TAF15: variants seen among roughly 807,000 people sequenced by gnomAD.
The protein encoded by TAF15 is TATA-box binding protein associated factor 15.
Under a neutral mutation model 102.5 loss-of-function variants are expected in TAF15, and 37 were observed. The ratio of observed to expected loss-of-function variants is 0.36; its 90% CI spans 0.28 to 0.47. The LOEUF (loss-of-function observed/expected upper bound fraction) is 0.47. Among genes scored for constraint, TAF15 ranks in the 20% least tolerant of loss-of-function variants. The probability of loss-of-function intolerance (pLI) is 0.99; values close to 1 mark genes in which losing one functional copy is unlikely to be tolerated. For missense variants in TAF15, 652 were observed against 760.7 expected (o/e 0.86, Z 1.68); for synonymous variants, 273 against 259.2 (o/e 1.05, Z -0.51).
At position 35,838,569 on chromosome 17, in the gene TAF15, A is replaced by G. The variant is rs1224000878; in HGVS notation, c.913+16A>G. Reference sequence around the variant, plus strand: ...TGGTTTGATGGTATGCCTCATTCGTATAGTTTTCAGCATGAAGTTGGATAA... The same window carrying G: ...TGGTTTGATGGTATGCCTCATTCGTGTAGTTTTCAGCATGAAGTTGGATAA... On this transcript the variant is annotated intron_variant, in intron 11 of 15. Transcript: ENST00000605844. 1.9e-6 allele frequency: 3 copies of G among 1,613,674 alleles called. No homozygotes were observed. Among genetic ancestry groups the G allele is most frequent in the East Asian group, 4.5e-5 (2 of 44,836 alleles).
chr17:35,836,745 G>C (rs964814645), intron 10 of TAF15, among the ~76,000 whole-genome samples: 3 of 151,582 alleles, frequency 2.0e-5, no homozygotes, highest in African/African-American at 7.3e-5. Flanking sequence ...CTTGAAATCA[G>C]TTTACATCTG....
chr17:35,823,097 G>A (rs1237601516), intron 6 of TAF15, among the ~76,000 whole-genome samples: 3 of 152,048 alleles, frequency 2.0e-5, no homozygotes, highest in African/African-American at 4.8e-5. Context: ...TGACAATACT[G>A]CTGGTACCAG....
chr17:35,846,814 G>T lies in TAF15; in HGVS notation c.1740-92G>T, dbSNP rs1296456012. ...GTCATTCTTTAGAAATTGTCTAGCTGATGCCAATCACTAGTACCCTGAAGA... is the reference window on the plus strand; with the variant it reads ...GTCATTCTTTAGAAATTGTCTAGCTTATGCCAATCACTAGTACCCTGAAGA... On this transcript the variant is annotated intron_variant, in intron 15 of 15. Coordinates refer to ENST00000605844, the MANE Select transcript of TAF15 (RefSeq NM_139215.3). 9 of 1,331,372 alleles carry T rather than the reference G, an allele frequency of 6.8e-6. No individual in the cohort carries two copies. The African/African-American group carries it at 1.2e-4, about 17-fold the overall frequency. 82.5% of individuals were successfully genotyped at this position (1,331,372 alleles called of 1,614,324 possible).
intron 10 of TAF15, among the ~76,000 whole-genome samples, 155 bp from the exon 11 acceptor site, chr17:35,838,269 C>T (rs749776184): frequency 1.3e-5 from 2 of 152,136 alleles, no homozygotes; most frequent in African/African-American, 2.4e-5. Context: ...GAGAGTTATG[C>T]TTGTCTAAAC....
intron 1 of TAF15, among the ~76,000 whole-genome samples, chr17:35,812,231 C>T (rs2087132705): frequency 6.6e-6 from 1 of 152,096 alleles, no homozygotes; most frequent in Non-Finnish European, 1.5e-5. Flanking sequence ...CGTTTAGGCT[C>T]CAGGAAACTT....
intron 13 of TAF15, 57 bp from the exon 14 acceptor site, chr17:35,844,223 G>C: frequency 6.2e-7 from 1 of 1,610,012 alleles, no homozygotes; most frequent in Non-Finnish European, 8.5e-7. Flanking sequence ...GATACAGAAA[G>C]GGGTTCTGAG....
chr17:35,824,259 G>C, intron 7 of TAF15, 61 bp downstream of exon 7: 2 of 1,552,800 alleles, frequency 1.3e-6, no homozygotes, highest in Non-Finnish European at 1.8e-6. Flanking sequence ...TTTTTTTAAG[G>C]TGTTACTTGG....
intron 15 of TAF15, among the ~76,000 whole-genome samples, chr17:35,845,703 G>T (rs918986998): frequency 6.6e-6 from 1 of 152,060 alleles, no homozygotes; most frequent in African/African-American, 2.4e-5. Flanking sequence ...TAGAGACGGG[G>T]TTTCACCATG....
At chr17:35,831,612 C>T (rs2087407294) in intron 7 of TAF15, among the ~76,000 whole-genome samples, 1 of 152,030 alleles carries the variant, frequency 6.6e-6, no homozygotes, top group African/African-American at 2.4e-5. Flanking sequence ...CCATTGTGGC[C>T]AGGTTTGGTA....
At chr17:35,812,403 C>T (rs1043524271) in intron 1 of TAF15, among the ~76,000 whole-genome samples, 2 of 151,780 alleles carry the variant, frequency 1.3e-5, no homozygotes, top group African/African-American at 4.8e-5. Flanking sequence ...TCGAGACCAG[C>T]TTGACCAACC....
rs144140449 is a variant in TAF15 at position 35,834,079 on chromosome 17, T to TTATA, written c.640+151_640+154dup. ...TGTGTTGTGTGCTTTAAAAAAAATT[T>TTATA]TATATATATATATATACACATATAT... is the stretch of plus-strand genomic sequence containing the variant. On this transcript the variant is annotated intron_variant, in intron 8 of 15. Transcript: ENST00000605844. 4 of 563,620 alleles carry TTATA rather than the reference T, an allele frequency of 7.1e-6. No individual in the cohort carries two copies. In the Admixed American group the frequency reaches 9.1e-5, roughly 13 times the overall value. The allele number at this position is 563,620 out of a possible 1,614,324, so 34.9% of individuals were successfully genotyped here. A position where few individuals can be genotyped will look rare whatever the true frequency, so the allele number is the denominator to read the frequency against.
Position 35,845,000 on chromosome 17 carries a change from AG to A in TAF15, c.1703del (p.Gly568GlufsTer78). 6.2e-7 allele frequency: 1 copy of A among 1,612,936 alleles called. No individual in the cohort carries two copies. The highest frequency in any genetic ancestry group is 8.5e-7 in the Non-Finnish European group (1 of 1,179,292). ...YGGDRGGGYG[G>X]DRGGYGGKMG... The stretch of plus-strand genomic sequence containing the variant: ...GAGGAGACCGAGGTGGGGGCTACGG[AG>A]GAGACCGAGGTGGCTATGGAGGCAA... On this transcript the variant is annotated frameshift_variant, in exon 15 of 16. Coordinates refer to ENST00000605844, the MANE Select transcript of TAF15 (RefSeq NM_139215.3). LOFTEE classifies it high-confidence loss of function.
chr17:35,812,055 C>T (rs1475380658), intron 1 of TAF15, among the ~76,000 whole-genome samples: 1 of 151,876 alleles, frequency 6.6e-6, no homozygotes, highest in Non-Finnish European at 1.5e-5. Context: ...TGTGTAGGGA[C>T]CAGAGATAAA....
At position 35,820,395 on chromosome 17, in the gene TAF15, A is replaced by T. The variant is rs775104921; in HGVS notation, c.248A>T (p.Tyr83Phe). The stretch of plus-strand genomic sequence containing the variant: ...CAGAGCTCATATAGCCAGCAACCAT[A>T]TAATAACCAGGGACAGCAGCAAAAC... Reference protein sequence around the residue: ...QKQSSYSQQPYNNQGQQQNME... With the variant: ...QKQSSYSQQPFNNQGQQQNME... Residue 83 changes from tyrosine to phenylalanine, a missense_variant, in exon 5 of 16, where the codon TAT becomes TTT. Physicochemically the swap from Tyr to Phe is conservative, Grantham distance 22. Around this residue, in one of 3 missense-constraint regions of TAF15, gnomAD observed 243 missense variants for 284.1 expected, o/e 0.86. Transcript: ENST00000605844. 5 of 1,614,116 alleles carry T rather than the reference A, an allele frequency of 3.1e-6. No homozygotes were observed. The highest frequency in any genetic ancestry group is 4.2e-6 in the Non-Finnish European group (5 of 1,179,958).
chr17:35,841,639 A>G (rs2087547037), intron 11 of TAF15, among the ~76,000 whole-genome samples: 1 of 151,204 alleles, frequency 6.6e-6, no homozygotes. Flanking sequence ...CCTGAGCCCC[A>G]AGCTTTCCTT....
At position 35,812,315 on chromosome 17, in the gene TAF15, G is replaced by A. The variant is rs1440756432; in HGVS notation, c.7+2739G>A. Among the ~76,000 whole-genome samples the A allele has an allele frequency of 5.3e-5, 8 of 152,178 alleles. 1 individual carries two copies. Among genetic ancestry groups the A allele is most frequent in the Admixed American group, 3.9e-4 (6 of 15,278 alleles). Reference sequence around the variant, plus strand: ...TGTTTCTGTTAAAAACATGAAGAACGGCTGGGCGTGGTGGCTCACGTCTGT... The same window carrying A: ...TGTTTCTGTTAAAAACATGAAGAACAGCTGGGCGTGGTGGCTCACGTCTGT... On this transcript the variant is annotated intron_variant, in intron 1 of 15. Transcript: ENST00000605844.
At chr17:35,822,025 A>AT (rs1213275802) in intron 5 of TAF15, among the ~76,000 whole-genome samples, 1 of 151,578 alleles carries the variant, frequency 6.6e-6, no homozygotes, top group African/African-American at 2.4e-5. Context: ...ACTTTGTAGC[A>AT]TCTTTTACTT....
At chr17:35,816,374 C>T (rs2087194969) in intron 1 of TAF15, among the ~76,000 whole-genome samples, 2 of 152,190 alleles carry the variant, frequency 1.3e-5, no homozygotes, top group South Asian at 4.1e-4. Flanking sequence ...GTGCTGCACA[C>T]CTGTAGTCCC....
intron 1 of TAF15, chr17:35,809,876 G>T: frequency 1.8e-6 from 1 of 571,064 alleles, no homozygotes; most frequent in South Asian, 2.1e-5. Context: ...GGCGGAGGCC[G>T]TCTACGCCAT....
Sources: allele counts gnomAD v4.1 joint callset (sites outside exome capture counted in the v4.1 genomes callset), GRCh38; gene constraint gnomAD v4.1.1; regional missense constraint gnomAD v4.1.1; transcripts MANE v1.5; gene names NCBI Gene and HGNC (gene_info 2026-07-23, HGNC 2026-07-21).